Variants in DOK6 observed in about 807,000 individuals in gnomAD.
DOK6 encodes the protein downstream of tyrosine kinase 6.
A neutral mutation model predicts 44.0 loss-of-function variants in DOK6; 22 were observed. The ratio of observed to expected loss-of-function variants is 0.50; its 90% CI spans 0.36 to 0.71. The LOEUF (loss-of-function observed/expected upper bound fraction) is 0.71, where lower values mean the gene tolerates loss of function less well. Among genes scored for constraint, DOK6 ranks in the 30% least tolerant of loss-of-function variants. DOK6 has a pLI of 0.00. For missense variants in DOK6, 340 were observed against 416.4 expected (o/e 0.82, Z 1.60); for synonymous variants, 166 against 145.5 (o/e 1.14, Z -1.01).
chr18:69,690,104 G>A (rs1438426275), intron 4 of DOK6, among the ~76,000 whole-genome samples: 1 of 151,732 alleles, frequency 6.6e-6, no homozygotes, highest in African/African-American at 2.4e-5. Flanking sequence ...TGCTTTACTT[G>A]GAAATGCAGA....
At chr18:69,835,889 T>C (rs1194460535) in intron 7 of DOK6, among the ~76,000 whole-genome samples, 4 of 152,268 alleles carry the variant, frequency 2.6e-5, no homozygotes, top group Non-Finnish European at 5.9e-5. Flanking sequence ...CATTGTCTTT[T>C]ACCAATTAAT....
chr18:69,709,547 T>C (rs917929978), intron 5 of DOK6, among the ~76,000 whole-genome samples: 12 of 152,268 alleles, frequency 7.9e-5, no homozygotes, highest in Admixed American at 5.2e-4. Context: ...ATTTTTTTCT[T>C]GGTGTTAAAT....
At chr18:69,715,840 C>T (rs1033653613) in intron 5 of DOK6, among the ~76,000 whole-genome samples, 1 of 152,052 alleles carries the variant, frequency 6.6e-6, no homozygotes, top group Non-Finnish European at 1.5e-5. Context: ...GTTCACTTAG[C>T]GATTTTTGAG....
intron 3 of DOK6, among the ~76,000 whole-genome samples, chr18:69,601,185 T>C (rs963861118): frequency 7.2e-5 from 11 of 152,224 alleles, no homozygotes; most frequent in African/African-American, 2.7e-4. Context: ...GACTCTTTTC[T>C]GCCTCATTTA....
At chr18:69,812,045 A>G (rs573290218) in intron 7 of DOK6, among the ~76,000 whole-genome samples, 6,016 of 152,254 alleles carry the variant, frequency 0.04, 188 homozygotes, top group South Asian at 0.15. Flanking sequence ...AAATACATAC[A>G]TACTCGAATA....
intron 6 of DOK6, among the ~76,000 whole-genome samples, chr18:69,744,401 A>C (rs570072565): frequency 6.6e-6 from 1 of 151,896 alleles, no homozygotes; most frequent in African/African-American, 2.4e-5. Context: ...GTTAATCATA[A>C]GATTAGAGCT....
At chr18:69,799,329 A>C (rs958112839) in intron 7 of DOK6, among the ~76,000 whole-genome samples, 1 of 152,092 alleles carries the variant, frequency 6.6e-6, no homozygotes, top group African/African-American at 2.4e-5. Context: ...AAAAAGATTA[A>C]ATATTTGAAA....
chr18:69,598,155 A>G (rs1983790461), intron 2 of DOK6, among the ~76,000 whole-genome samples: 1 of 151,942 alleles, frequency 6.6e-6, no homozygotes, highest in African/African-American at 2.4e-5. Flanking sequence ...TAAACTAACC[A>G]CACTTAATAT....
chr18:69,594,943 G>A (rs753155576), intron 2 of DOK6, among the ~76,000 whole-genome samples: 1 of 152,064 alleles, frequency 6.6e-6, no homozygotes, highest in Non-Finnish European at 1.5e-5. Flanking sequence ...ACAAAAAGAA[G>A]TGGCATTTCT....
intron 5 of DOK6, among the ~76,000 whole-genome samples, chr18:69,716,121 G>A (rs7243410): frequency 0.04 from 6,145 of 152,208 alleles, 132 homozygotes; most frequent in Middle Eastern, 0.14. Context: ...TTCTCCAATC[G>A]TGCTAAGCAG....
chr18:69,796,279 T>C (rs1980742397), intron 7 of DOK6, among the ~76,000 whole-genome samples: 1 of 152,132 alleles, frequency 6.6e-6, no homozygotes, highest in African/African-American at 2.4e-5. Context: ...ATTTCTCTAA[T>C]CCCCAGTTCT....
Position 69,543,521 on chromosome 18 carries a change from T to C in DOK6, c.67-20966T>C. 1.3e-5 allele frequency among the ~76,000 whole-genome samples: 2 copies of C among 151,634 alleles called. 1 individual carries two copies. The highest frequency in any genetic ancestry group is 3.0e-5 in the Non-Finnish European group (2 of 67,766). On this transcript the variant is annotated intron_variant, in intron 1 of 7. Coordinates refer to ENST00000382713, the MANE Select transcript of DOK6 (RefSeq NM_152721.6). ...TTTTTCCCCCAAGTCCAAGTTCTCA[T>C]TCTTGAAGAAAGCCAACCTGTTTTC... is the stretch of plus-strand genomic sequence containing the variant.
intron 3 of DOK6, among the ~76,000 whole-genome samples, chr18:69,664,100 T>G (rs1490758319): frequency 6.6e-6 from 1 of 152,224 alleles, no homozygotes; most frequent in African/African-American, 2.4e-5. Flanking sequence ...ATTTTAAATG[T>G]ACTAATGCAT....
chr18:69,806,063 A>G (rs1053627204), intron 7 of DOK6, among the ~76,000 whole-genome samples: 5 of 151,858 alleles, frequency 3.3e-5, no homozygotes, highest in African/African-American at 1.2e-4. Flanking sequence ...TCTTGGACAC[A>G]TTTTGAAGTT....
intron 1 of DOK6, among the ~76,000 whole-genome samples, chr18:69,438,152 G>C (rs1423395266): frequency 6.6e-6 from 1 of 152,114 alleles, no homozygotes; most frequent in Admixed American, 6.6e-5. Context: ...CATATATTAA[G>C]CCTTCCTTTC....
chr18:69,606,294 A>G (rs961574830), intron 3 of DOK6, among the ~76,000 whole-genome samples: 1 of 50,434 alleles, frequency 2.0e-5, no homozygotes, highest in African/African-American at 5.1e-5. Flanking sequence ...ATAAATAAAT[A>G]AATAAATAAA....
rs962514974 is a variant in DOK6 at position 69,577,508 on chromosome 18, T to A, written c.174+12914T>A. 2.0e-5 allele frequency among the ~76,000 whole-genome samples: 3 copies of A among 152,188 alleles called. No homozygotes were observed. The South Asian group carries it at 6.2e-4, about 32-fold the overall frequency. On this transcript the variant is annotated intron_variant, in intron 2 of 7. Coordinates refer to ENST00000382713, the MANE Select transcript of DOK6 (RefSeq NM_152721.6). ...GCACTTACTAATATACACATCGGTT[T>A]CTAGGACAGTGACACCTCAATTCAC...
At chr18:69,605,075 T>TG (rs1491560912) in intron 3 of DOK6, among the ~76,000 whole-genome samples, 78 of 133,314 alleles carry the variant, frequency 5.9e-4, no homozygotes, top group African/African-American at 2.1e-3. Flanking sequence ...GAGAGATCCC[T>TG]TTGTGTGTGT....
At chr18:69,487,723 C>T (rs1980623517) in intron 1 of DOK6, among the ~76,000 whole-genome samples, 1 of 152,176 alleles carries the variant, frequency 6.6e-6, no homozygotes. Context: ...GACTCTGGAT[C>T]TCCAATTCTA....
Sources: gnomAD v4.1 joint callset for allele counts (sites outside exome capture counted in the v4.1 genomes callset) on GRCh38, gnomAD v4.1.1 for gene constraint, MANE v1.5 for transcripts, NCBI Gene and HGNC (gene_info 2026-07-23, HGNC 2026-07-21) for gene names.